Variants in FHL2 observed in about 807,000 individuals in gnomAD.
The protein encoded by FHL2 is four and a half LIM domains 2.
A neutral mutation model predicts 32.7 loss-of-function variants in FHL2; 20 were observed. The ratio of observed to expected loss-of-function variants is 0.61; its 90% CI spans 0.43 to 0.89. The LOEUF is 0.89. FHL2 is among the 40% of genes least tolerant of loss of function. The pLI, the probability that FHL2 is intolerant of heterozygous loss-of-function variation, is 0.00. For synonymous variants in FHL2, 123 were observed against 128.1 expected (o/e 0.96, Z 0.27); for missense variants, 311 against 358.6 (o/e 0.87, Z 1.07).
chr2:105,389,124 T>C (rs1224857848), intron 2 of FHL2, among the ~76,000 whole-genome samples: 2 of 152,246 alleles, frequency 1.3e-5, no homozygotes, highest in African/African-American at 2.4e-5. Flanking sequence ...GAGCAATAAA[T>C]ATGCAGCTGG....
chr2:105,392,078 C>T (rs1291922082), intron 2 of FHL2, among the ~76,000 whole-genome samples: 1 of 152,192 alleles, frequency 6.6e-6, no homozygotes, highest in Admixed American at 6.5e-5. Context: ...GCCAAGGGAA[C>T]TGCAATGGGT....
At chr2:105,423,502 T>C (rs771728384) in intron 1 of FHL2, among the ~76,000 whole-genome samples, 6 of 152,226 alleles carry the variant, frequency 3.9e-5, no homozygotes, top group Non-Finnish European at 8.8e-5. Flanking sequence ...GTTGCTTCTC[T>C]TTTCAAAGAT....
At chr2:105,407,933 T>A (rs1185109851) in intron 1 of FHL2, among the ~76,000 whole-genome samples, 1 of 152,210 alleles carries the variant, frequency 6.6e-6, no homozygotes, top group Non-Finnish European at 1.5e-5. Context: ...AATTCATGGC[T>A]TTAGTTTCTG....
intron 2 of FHL2, among the ~76,000 whole-genome samples, chr2:105,396,088 T>C (rs1683108346): frequency 6.6e-6 from 1 of 152,124 alleles, no homozygotes; most frequent in African/African-American, 2.4e-5. Context: ...TGGGGAGACT[T>C]TTTAAATAGA....
chr2:105,420,225 C>A (rs1462828524), intron 1 of FHL2, among the ~76,000 whole-genome samples: 1 of 152,190 alleles, frequency 6.6e-6, no homozygotes, highest in Non-Finnish European at 1.5e-5. Flanking sequence ...TGCTCCATGC[C>A]TCTCCCTAGC....
Position 105,386,523 on chromosome 2 carries a change from T to C in FHL2, c.-7A>G, listed in dbSNP as rs1216758354. ...AGTCAAAGCGCTCAGTCATTTTGACTCCTGGCTTTTCAGCAACCTATCAAA... is the reference window on the plus strand; with the variant it reads ...AGTCAAAGCGCTCAGTCATTTTGACCCCTGGCTTTTCAGCAACCTATCAAA... On this transcript the variant is annotated 5_prime_UTR_variant, in exon 3 of 7. Transcript: ENST00000530340. 6.2e-7 allele frequency: 1 copy of C among 1,614,056 alleles called. No homozygotes were observed. Among genetic ancestry groups the C allele is most frequent in the Admixed American group, 1.7e-5 (1 of 60,016 alleles).
intron 1 of FHL2, among the ~76,000 whole-genome samples, chr2:105,407,788 A>G (rs1274417925): frequency 1.3e-5 from 2 of 152,070 alleles, no homozygotes; most frequent in Non-Finnish European, 1.5e-5. Flanking sequence ...TCCTGCCCCA[A>G]TCCTCCCCCC....
At chr2:105,434,979 G>A (rs1420372278) in intron 1 of FHL2, among the ~76,000 whole-genome samples, 7 of 152,026 alleles carry the variant, frequency 4.6e-5, no homozygotes, top group Non-Finnish European at 7.4e-5. Context: ...TTTGCATTAC[G>A]AAAACTTTCA....
chr2:105,398,712 C>T, intron 1 of FHL2, 130 bp downstream of exon 1: 1 of 710,888 alleles, frequency 1.4e-6, no homozygotes, highest in Middle Eastern at 3.1e-4. Flanking sequence ...CACCCCCAAC[C>T]CCCAGGGTTC....
chr2:105,424,201 C>T (rs1441149473), intron 1 of FHL2, among the ~76,000 whole-genome samples: 2 of 152,154 alleles, frequency 1.3e-5, no homozygotes, highest in African/African-American at 4.8e-5. Context: ...ACAACCCCAT[C>T]AAAAAGTGGG....
At chr2:105,423,472 T>G (rs1391829046) in intron 1 of FHL2, among the ~76,000 whole-genome samples, 7 of 152,236 alleles carry the variant, frequency 4.6e-5, no homozygotes, top group Admixed American at 4.6e-4. Context: ...ACAGTATTTT[T>G]AGCTATTTGA....
At chr2:105,382,552 A>C (rs4640402) in intron 3 of FHL2, among the ~76,000 whole-genome samples, 71,107 of 152,118 alleles carry the variant, frequency 0.47, 17,593 homozygotes, top group African/African-American at 0.63. Flanking sequence ...GTGTTAGGAG[A>C]AATTTAGATC....
chr2:105,404,170 C>T (rs1236608361), upstream of FHL2, among the ~76,000 whole-genome samples: 1 of 152,252 alleles, frequency 6.6e-6, no homozygotes, highest in Non-Finnish European at 1.5e-5. Context: ...GTTCGTTACC[C>T]TAACTGACCA....
Position 105,433,606 on chromosome 2 carries a change from C to T in FHL2, c.-25+4793G>A, listed in dbSNP as rs1176472981. Among the ~76,000 whole-genome samples, 3 of 152,164 alleles carry T rather than the reference C, an allele frequency of 2.0e-5. 1 individual carries two copies. The South Asian group carries it at 6.3e-4, about 32-fold the overall frequency. Reference sequence around the variant, plus strand: ...GGCTTCCCCTGTACTGCCTCTGTGCCCCTTTGCCTCTCAGTGCCTCGGCGT... The same window carrying T: ...GGCTTCCCCTGTACTGCCTCTGTGCTCCTTTGCCTCTCAGTGCCTCGGCGT... On this transcript the variant is annotated intron_variant, in intron 1 of 5. Coordinates refer to the FHL2 transcript ENST00000393352.
At chr2:105,399,441 G>A (rs1281466814), upstream of FHL2, 4 of 1,536,202 alleles carry the variant, frequency 2.6e-6, no homozygotes, top group Non-Finnish European at 3.5e-6. Context: ...GGAGGAGGGG[G>A]TCACTTCTCA....
At chr2:105,377,830 G>GT in intron 3 of FHL2, 1 of 344,208 alleles carries the variant, frequency 2.9e-6, no homozygotes, top group South Asian at 2.3e-5. Flanking sequence ...AGGCGCCAGG[G>GT]AGAGGGGAGG....
intron 2 of FHL2, among the ~76,000 whole-genome samples, chr2:105,392,402 G>A (rs1055691701): frequency 6.6e-6 from 1 of 152,132 alleles, no homozygotes; most frequent in East Asian, 1.9e-4. Context: ...AGCCCAGGAG[G>A]TCGAGGCTGC....
chr2:105,428,196 C>T (rs1684319792), intron 1 of FHL2, among the ~76,000 whole-genome samples: 1 of 152,164 alleles, frequency 6.6e-6, no homozygotes, highest in Non-Finnish European at 1.5e-5. Context: ...GATTCCAGTC[C>T]TGGAGGCCCT....
In FHL2 at chr2:105,398,966, T is replaced by C. The variant is rs2104635889; in HGVS notation, c.-200A>G. On this transcript the variant is annotated 5_prime_UTR_variant, in exon 1 of 7. Coordinates refer to ENST00000530340, the MANE Select transcript of FHL2 (RefSeq NM_001318895.3). ...CCGGGGCGCAGGGGGTTGGAGGTAC[T>C]CACGGCACCGCAGCGGGCCGGGGAC... The C allele has an allele frequency of 6.5e-7, 1 of 1,533,682 alleles. No homozygotes were observed. Among genetic ancestry groups the C allele is most frequent in the Non-Finnish European group, 8.7e-7 (1 of 1,144,864 alleles).
Sources: gnomAD v4.1 joint callset for allele counts (sites outside exome capture counted in the v4.1 genomes callset) on GRCh38, gnomAD v4.1.1 for gene constraint, MANE v1.5 for transcripts, NCBI Gene and HGNC (gene_info 2026-07-23, HGNC 2026-07-21) for gene names.